The following PACC1 variants were observed in gnomAD, a reference collection of about 807,000 sequenced individuals.
The protein encoded by PACC1 is proton activated chloride channel 1.
PACC1 carries 34 observed loss-of-function variants against 39.7 expected under a neutral mutation model. The observed-to-expected ratio is 0.86, with a 90% CI of 0.65 to 1.14. The LOEUF is 1.14. Among genes scored for constraint, PACC1 ranks in the 50% most tolerant of loss-of-function variants. The pLI is 0.00. For synonymous variants in PACC1, 127 were observed against 160.6 expected, an observed-to-expected ratio of 0.79 and a Z score of 1.58; for missense variants, 379 against 436.4, an observed-to-expected ratio of 0.87 and a Z score of 1.17.
intron 1 of PACC1, 33 bp downstream of exon 1, chr1:212,414,689 C>G (rs370717761): frequency 4.3e-6 from 7 of 1,612,918 alleles, no homozygotes; most frequent in African/African-American, 4.0e-5. Flanking sequence ...TCCTCCGCCT[C>G]AAACTTCCCT....
chr1:212,364,814 T>C lies in PACC1; in HGVS notation c.*401A>G, dbSNP rs1660172344. 1 of 153,126 alleles carries C rather than the reference T, an allele frequency of 6.5e-6. No homozygotes were observed. Among genetic ancestry groups the C allele is most frequent in the African/African-American group, 2.4e-5 (1 of 41,454 alleles). 9.5% of individuals were successfully genotyped at this position (153,126 alleles called of 1,614,324 possible). A position where few individuals can be genotyped will look rare whatever the true frequency, so the allele number is the denominator to read the frequency against. ...TGCACGTCTTGATACTCAGGAATTT[T>C]TGGAAAAAGAAAATCACACTCTTTT... On this transcript the variant is annotated 3_prime_UTR_variant, in exon 8 of 8. Coordinates refer to ENST00000261455, the MANE Select transcript of PACC1 (RefSeq NM_018252.3).
intron 1 of PACC1, among the ~76,000 whole-genome samples, chr1:212,413,222 G>A (rs534849751): frequency 1.3e-3 from 205 of 152,252 alleles, no homozygotes; most frequent in Non-Finnish European, 2.0e-3. Flanking sequence ...GAGAAATATA[G>A]AAATCTGTCC....
At chr1:212,402,698 A>T (rs1163544092) in intron 2 of PACC1, among the ~76,000 whole-genome samples, 3 of 152,216 alleles carry the variant, frequency 2.0e-5, no homozygotes, top group Non-Finnish European at 4.4e-5. Flanking sequence ...TCTGTCACCC[A>T]GGCTGGAGTG....
chr1:212,386,808 A>C lies in PACC1; in HGVS notation c.343+83T>G. On this transcript the variant is annotated intron_variant, in intron 3 of 7. Transcript: ENST00000261455. This position sits in a 1 kb window ranked among gnomAD's most constrained non-coding sequence, Gnocchi z 5.0. ...CCTCTGCCCTGCCCGTAGTACCACA[A>C]ATACAACGGCAGCTCAGGGAGTATC... The C allele has an allele frequency of 7.2e-7, 1 of 1,396,888 alleles. No homozygotes were observed. Among genetic ancestry groups the C allele is most frequent in the Non-Finnish European group, 1.0e-6 (1 of 990,622 alleles). 86.5% of individuals were successfully genotyped at this position (1,396,888 alleles called of 1,614,324 possible).
chr1:212,410,689 G>C (rs1182761629), intron 1 of PACC1, among the ~76,000 whole-genome samples, 168 bp from the exon 2 acceptor site: 1 of 152,214 alleles, frequency 6.6e-6, no homozygotes, highest in Admixed American at 6.5e-5. Flanking sequence ...AGCTCAGAAA[G>C]CTCAATAAAC....
chr1:212,374,343 CAT>C lies in PACC1; in HGVS notation c.891+848_891+849del, dbSNP rs1660571960. Among the ~76,000 whole-genome samples, 5 of 151,894 alleles carry C rather than the reference CAT, an allele frequency of 3.3e-5. No homozygotes were observed. The South Asian group carries it at 1.0e-3, about 32-fold the overall frequency. Reference sequence around the variant, plus strand: ...AAAACAAATACCACACGTTCTCACTCATGTGGGAGCTTAAAAAAAAATGAGTC... The same window carrying C: ...AAAACAAATACCACACGTTCTCACTCGTGGGAGCTTAAAAAAAAATGAGTC... On this transcript the variant is annotated intron_variant, in intron 7 of 7. Transcript: ENST00000261455.
intron 1 of PACC1, 81 bp from the exon 2 acceptor site, chr1:212,410,602 C>CTGCTTGTCACTTA (rs755524619): frequency 4.4e-4 from 558 of 1,260,284 alleles, no homozygotes; most frequent in Non-Finnish European, 2.6e-4. Context: ...AAAGCAGAAG[C>CTGCTTGTCACTTA]TGCTTGTCAC....
In PACC1 at chr1:212,392,589, C is replaced by T. The variant is rs534489534; in HGVS notation, c.134-5489G>A. On this transcript the variant is annotated intron_variant, in intron 2 of 7. Coordinates refer to ENST00000261455, the MANE Select transcript of PACC1 (RefSeq NM_018252.3). ...ATGACAGGATCAAATTCACACATAA[C>T]AATATTAACCTTAAATGTAAATGGG... Among the ~76,000 whole-genome samples, 39 of 152,276 alleles carry T rather than the reference C, an allele frequency of 2.6e-4. No individual in the cohort carries two copies. In the East Asian group the frequency reaches 7.5e-3, roughly 29 times the overall value.
intron 2 of PACC1, chr1:212,387,477 G>C (rs2102500632): frequency 4.5e-6 from 1 of 222,460 alleles, no homozygotes; most frequent in Non-Finnish European, 9.0e-6. Context: ...CAAGTGAGCT[G>C]GCCCCAACCT....
intron 7 of PACC1, among the ~76,000 whole-genome samples, chr1:212,374,883 A>G (rs1414476950): frequency 1.3e-5 from 2 of 152,230 alleles, no homozygotes; most frequent in Non-Finnish European, 2.9e-5. Context: ...GCTACTTTGC[A>G]CTAAGCACTC....
chr1:212,402,825 T>G (rs1186607002), intron 2 of PACC1, among the ~76,000 whole-genome samples: 2 of 152,194 alleles, frequency 1.3e-5, no homozygotes, highest in East Asian at 3.8e-4. Context: ...TGGCTAACTT[T>G]GCATTTTTAG....
At chr1:212,383,839 C>T (rs1027358551) in intron 4 of PACC1, among the ~76,000 whole-genome samples, 1 of 145,528 alleles carries the variant, frequency 6.9e-6, no homozygotes, top group Non-Finnish European at 1.5e-5. Context: ...GAAGTCTGCT[C>T]TGTTTCCTAT....
intron 1 of PACC1, chr1:212,414,172 G>A: frequency 2.2e-6 from 3 of 1,355,898 alleles, no homozygotes; most frequent in Admixed American, 2.8e-5. Context: ...AGAGGAGCGA[G>A]AACTAGCAGA....
intron 5 of PACC1, among the ~76,000 whole-genome samples, chr1:212,377,936 C>T (rs545823754): frequency 6.6e-6 from 1 of 152,306 alleles, no homozygotes; most frequent in African/African-American, 2.4e-5. Context: ...AGTCACTGGC[C>T]TCAAGGCAGG....
chr1:212,369,340 CGTA>C (rs1479130632), intron 7 of PACC1, among the ~76,000 whole-genome samples: 1 of 151,940 alleles, frequency 6.6e-6, no homozygotes, highest in African/African-American at 2.4e-5. Context: ...ACGAAATAGC[CGTA>C]GTAAGTCCTT....
intron 2 of PACC1, among the ~76,000 whole-genome samples, chr1:212,399,240 G>A (rs1661627488): frequency 6.6e-6 from 1 of 152,162 alleles, no homozygotes; most frequent in South Asian, 2.1e-4. Flanking sequence ...AGAGTTGACA[G>A]GGACCTAAAA....
intron 2 of PACC1, among the ~76,000 whole-genome samples, chr1:212,393,684 A>T (rs1003792289): frequency 5.3e-5 from 8 of 152,224 alleles, no homozygotes; most frequent in Middle Eastern, 3.4e-3. Context: ...ATTGATAGAC[A>T]GCTAGCAAGA....
At chr1:212,368,245 G>T (rs1558161809) in intron 7 of PACC1, among the ~76,000 whole-genome samples, 2 of 152,182 alleles carry the variant, frequency 1.3e-5, no homozygotes, top group Admixed American at 1.3e-4. Context: ...CTTTCAATTT[G>T]TAGAAAATCT....
At chr1:212,392,382 A>T (rs942321668) in intron 2 of PACC1, among the ~76,000 whole-genome samples, 2 of 152,228 alleles carry the variant, frequency 1.3e-5, no homozygotes, top group Non-Finnish European at 2.9e-5. Context: ...TTTACAGACA[A>T]GCAAATGCTG....
Sources: gnomAD v4.1 joint callset for allele counts (sites outside exome capture counted in the v4.1 genomes callset) on GRCh38, gnomAD v4.1.1 for gene constraint, Gnocchi (gnomAD v3.1) non-coding constraint, MANE v1.5 for transcripts, NCBI Gene and HGNC (gene_info 2026-07-23, HGNC 2026-07-21) for gene names.